Variants in ATPAF1 observed in about 807,000 individuals in gnomAD.
ATPAF1 encodes the protein ATP synthase mitochondrial F1 complex assembly factor 1.
A neutral mutation model predicts 43.9 loss-of-function variants in ATPAF1; 26 were observed. The ratio of observed to expected loss-of-function variants is 0.59; its 90% confidence interval spans 0.43 to 0.82. The LOEUF is 0.82. ATPAF1 is among the 40% of genes least tolerant of loss of function. The probability of loss-of-function intolerance (pLI) is 0.00; values close to 1 mark genes in which losing one functional copy is unlikely to be tolerated. For synonymous variants in ATPAF1, 157 were observed against 168.0 expected (o/e 0.93, Z 0.50); for missense variants, 366 against 435.0 (o/e 0.84, Z 1.41).
intron 8 of ATPAF1, among the ~76,000 whole-genome samples, chr1:46,639,062 A>G (rs1188432396): frequency 1.3e-5 from 2 of 152,188 alleles, no homozygotes; most frequent in African/African-American, 4.8e-5. Flanking sequence ...CTAGACTTGA[A>G]CTACACAATG....
chr1:46,644,017 T>TATC (rs1419544848), intron 7 of ATPAF1, among the ~76,000 whole-genome samples: 2 of 152,356 alleles, frequency 1.3e-5, no homozygotes, highest in East Asian at 3.9e-4. Flanking sequence ...AATATCCAAC[T>TATC]ATCACTAGGG....
rs1481235202 is a variant in ATPAF1 at position 46,665,443 on chromosome 1, T to C, written c.267-79A>G. ...ATAACAAAGCATCACTTTCCACCTC[T>C]ACAGAGAAAGGACACTGCCATTCAG... On this transcript the variant is annotated intron_variant, in intron 1 of 8. Transcript: ENST00000574428. The C allele has an allele frequency of 8.2e-6, 12 of 1,457,218 alleles. No individual in the cohort carries two copies. The African/African-American group carries it at 1.1e-4, about 14-fold the overall frequency. 90.3% of individuals were successfully genotyped at this position (1,457,218 alleles called of 1,614,324 possible).
At chr1:46,657,749 T>C (rs932460664) in intron 4 of ATPAF1, among the ~76,000 whole-genome samples, 2 of 152,134 alleles carry the variant, frequency 1.3e-5, no homozygotes, top group African/African-American at 2.4e-5. Context: ...CAATACACTA[T>C]ACTTCTCCAT....
exon 9 of ATPAF1, chr1:46,635,470 C>T (rs549409085): frequency 3.0e-5 from 9 of 300,528 alleles, no homozygotes; most frequent in East Asian, 5.7e-5. Context: ...AATGCAACTG[C>T]GCTGTTACAC....
At chr1:46,646,269 T>C (rs1279983805) in intron 6 of ATPAF1, among the ~76,000 whole-genome samples, 2 of 152,274 alleles carry the variant, frequency 1.3e-5, no homozygotes, top group Non-Finnish European at 2.9e-5. Context: ...TGTTGATATC[T>C]ATAACTCTGA....
chr1:46,633,135 G>GT (rs1382294963), downstream of ATPAF1: 2 of 153,002 alleles, frequency 1.3e-5, no homozygotes, highest in Non-Finnish European at 2.9e-5. Context: ...TAGTACGTGT[G>GT]TGGGGGGGTG....
intron 1 of ATPAF1, chr1:46,665,939 G>T: frequency 8.2e-7 from 1 of 1,215,144 alleles, no homozygotes; most frequent in Non-Finnish European, 1.1e-6. Flanking sequence ...AAATGGGGTT[G>T]GTCTTCAGGT....
chr1:46,638,049 CT>C (rs1159124179), intron 8 of ATPAF1, among the ~76,000 whole-genome samples: 1 of 152,226 alleles, frequency 6.6e-6, no homozygotes, highest in East Asian at 1.9e-4. Flanking sequence ...CAAATCATTT[CT>C]GAAGCAAGTG....
At position 46,645,015 on chromosome 1, in the gene ATPAF1, C is replaced by CA. The variant is rs745978392; in HGVS notation, c.684+145dup. The CA allele has an allele frequency of 5.9e-4, 406 of 682,532 alleles. 1 individual carries two copies. The highest frequency in any genetic ancestry group is 8.9e-4 in the Non-Finnish European group (366 of 410,972). 42.3% of individuals were successfully genotyped at this position (682,532 alleles called of 1,614,324 possible). ...AGGAGGGCCTAGAAAACTAGTCCAA[C>CA]ACAAAAAGTATGACAATTCATCTGC... On this transcript the variant is annotated intron_variant, in intron 7 of 8. Transcript: ENST00000574428.
intron 2 of ATPAF1, chr1:46,663,879 C>T: frequency 7.8e-7 from 1 of 1,275,224 alleles, no homozygotes; most frequent in Non-Finnish European, 1.0e-6. Flanking sequence ...TCCATATTCT[C>T]CCTGGCGCTG....
intron 8 of ATPAF1, among the ~76,000 whole-genome samples, chr1:46,639,137 G>A (rs571780599): frequency 2.0e-5 from 3 of 151,962 alleles, no homozygotes; most frequent in Non-Finnish European, 4.4e-5. Flanking sequence ...TCTCTTTATG[G>A]GTTCTTCTCT....
intron 2 of ATPAF1, chr1:46,665,009 T>C (rs1676463622): frequency 4.2e-6 from 2 of 472,820 alleles, no homozygotes; most frequent in Non-Finnish European, 3.8e-6. Context: ...TGCCTTGCCT[T>C]GACCACCAGA....
chr1:46,658,166 A>G (rs1676310172), exon 4 of ATPAF1: 1 of 1,611,198 alleles, frequency 6.2e-7, no homozygotes, highest in Non-Finnish European at 8.5e-7. Context: ...TTACCATCTC[A>G]ATGTTAAAGA....
intron 2 of ATPAF1, among the ~76,000 whole-genome samples, chr1:46,659,903 A>G (rs1676355186): frequency 6.6e-6 from 1 of 152,112 alleles, no homozygotes; most frequent in Admixed American, 6.6e-5. Flanking sequence ...GCACCTATAC[A>G]CTGACAACAT....
intron 6 of ATPAF1, among the ~76,000 whole-genome samples, chr1:46,647,294 C>T (rs541986744): frequency 4.1e-4 from 62 of 152,206 alleles, no homozygotes; most frequent in African/African-American, 1.4e-3. Flanking sequence ...CCACCCAATA[C>T]GACATTCCCG....
chr1:46,651,014 T>G (rs1676156956), intron 6 of ATPAF1, among the ~76,000 whole-genome samples: 1 of 152,040 alleles, frequency 6.6e-6, no homozygotes, highest in African/African-American at 2.4e-5. Context: ...TTATTATTAT[T>G]ATACTTTAAG....
At chr1:46,650,952 G>A (rs1229640723) in intron 6 of ATPAF1, among the ~76,000 whole-genome samples, 2 of 152,006 alleles carry the variant, frequency 1.3e-5, no homozygotes, top group African/African-American at 2.4e-5. Context: ...CGGCACTATG[G>A]AGTACTATAA....
At chr1:46,665,757 T>C in intron 1 of ATPAF1, 1 of 1,514,748 alleles carries the variant, frequency 6.6e-7, no homozygotes, top group Non-Finnish European at 8.8e-7. Flanking sequence ...ATCCAGTTCT[T>C]GAAAATATGT....
At chr1:46,640,061 T>C (rs1462521543) in intron 8 of ATPAF1, among the ~76,000 whole-genome samples, 1 of 152,170 alleles carries the variant, frequency 6.6e-6, no homozygotes, top group African/African-American at 2.4e-5. Flanking sequence ...TCTTTTCAGC[T>C]CACTTCCAAC....
Sources: allele counts gnomAD v4.1 joint callset (sites outside exome capture counted in the v4.1 genomes callset), GRCh38; gene constraint gnomAD v4.1.1; transcripts MANE v1.5; gene names NCBI Gene and HGNC (gene_info 2026-07-23, HGNC 2026-07-21).